The following SNTB1 variants were observed in gnomAD, a reference collection of about 807,000 sequenced individuals.
SNTB1 encodes syntrophin beta 1.
SNTB1 carries 36 observed loss-of-function variants against 48.9 expected under a neutral mutation model. The observed-to-expected ratio is 0.74, with a 90% CI of 0.56 to 0.97. SNTB1 has a LOEUF of 0.97. Ranked by LOEUF, SNTB1 falls within the 50% of genes least tolerant of loss-of-function variation. SNTB1 has a pLI of 0.00. For missense variants in SNTB1, 786 were observed against 703.4 expected, an observed-to-expected ratio of 1.12 and a Z score of -1.33; for synonymous variants, 299 against 294.6, an observed-to-expected ratio of 1.01 and a Z score of -0.15.
intron 1 of SNTB1, among the ~76,000 whole-genome samples, chr8:120,724,699 T>C (rs1311136260): frequency 6.6e-6 from 1 of 152,216 alleles, no homozygotes; most frequent in African/African-American, 2.4e-5. Context: ...ATGAGGCTTC[T>C]AAACAAAGAT....
At chr8:120,617,060 A>T (rs7814339) in intron 3 of SNTB1, among the ~76,000 whole-genome samples, 27,131 of 152,246 alleles carry the variant, frequency 0.18, 3,318 homozygotes, top group East Asian at 0.62. Flanking sequence ...GCTTTGAATG[A>T]GGCCCAACAC....
chr8:120,783,229 G>A (rs34632392), intron 1 of SNTB1, among the ~76,000 whole-genome samples: 10,280 of 152,024 alleles, frequency 0.068, 507 homozygotes, highest in African/African-American at 0.14. Context: ...CAGTTGGTTG[G>A]TTTTCACTAA....
At chr8:120,713,093 C>T (rs998106074) in intron 1 of SNTB1, among the ~76,000 whole-genome samples, 1 of 152,084 alleles carries the variant, frequency 6.6e-6, no homozygotes, top group African/African-American at 2.4e-5. Context: ...GTGGAAAAAC[C>T]TGAGCTAAAG....
At position 120,693,952 on chromosome 8, in the gene SNTB1, G is replaced by A. The variant is rs756420798; in HGVS notation, c.572-44C>T. ...CAAGTGCTTTTAATACATCACGGCTGAATTTCTGGGAAGTCTGATTGTGTT... is the reference window on the plus strand; with the variant it reads ...CAAGTGCTTTTAATACATCACGGCTAAATTTCTGGGAAGTCTGATTGTGTT... On this transcript the variant is annotated intron_variant, in intron 1 of 6. Transcript: ENST00000517992. The A allele has an allele frequency of 2.5e-5, 36 of 1,433,228 alleles. No homozygotes were observed. The Admixed American group carries it at 5.9e-4, about 23-fold the overall frequency. 88.8% of individuals were successfully genotyped at this position (1,433,228 alleles called of 1,614,324 possible). A position where few individuals can be genotyped will look rare whatever the true frequency, so the allele number is the denominator to read the frequency against.
intron 1 of SNTB1, among the ~76,000 whole-genome samples, chr8:120,731,506 G>A (rs955635989): frequency 7.9e-5 from 12 of 152,192 alleles, no homozygotes; most frequent in African/African-American, 2.9e-4. Context: ...TGGAAGGACT[G>A]GGCTTGAAGA....
At chr8:120,555,029 C>A (rs1396234108) in intron 4 of SNTB1, among the ~76,000 whole-genome samples, 1 of 152,182 alleles carries the variant, frequency 6.6e-6, no homozygotes, top group Non-Finnish European at 1.5e-5. Flanking sequence ...GTGATATACT[C>A]AACAAATATT....
intron 1 of SNTB1, among the ~76,000 whole-genome samples, chr8:120,780,383 G>A (rs1159666310): frequency 6.6e-6 from 1 of 152,122 alleles, no homozygotes; most frequent in Non-Finnish European, 1.5e-5. Context: ...CTCCACTTTG[G>A]TGAGTCATTC....
intron 2 of SNTB1, among the ~76,000 whole-genome samples, chr8:120,682,284 T>G (rs1018208314): frequency 2.6e-5 from 4 of 152,316 alleles, no homozygotes; most frequent in African/African-American, 9.6e-5. Flanking sequence ...AGTTTTAAAT[T>G]ATCTGTCTTA....
chr8:120,575,982 C>T (rs1032635527), intron 3 of SNTB1, among the ~76,000 whole-genome samples: 1 of 152,208 alleles, frequency 6.6e-6, no homozygotes, highest in Non-Finnish European at 1.5e-5. Context: ...ATATGTTCCT[C>T]TGTCTATAAA....
At chr8:120,628,085 C>A (rs931119297) in intron 3 of SNTB1, among the ~76,000 whole-genome samples, 2 of 152,202 alleles carry the variant, frequency 1.3e-5, no homozygotes, top group African/African-American at 4.8e-5. Context: ...AAAGCTGATA[C>A]CTGAACTTGC....
chr8:120,645,104 T>G (rs899601320), intron 2 of SNTB1, among the ~76,000 whole-genome samples: 11 of 150,110 alleles, frequency 7.3e-5, no homozygotes, highest in African/African-American at 1.2e-4. Context: ...TTTCTCCCAT[T>G]TTGTAGGTTG....
At chr8:120,786,315 A>G (rs1265505496) in intron 1 of SNTB1, among the ~76,000 whole-genome samples, 1 of 152,186 alleles carries the variant, frequency 6.6e-6, no homozygotes, top group East Asian at 1.9e-4. Flanking sequence ...GCACCCCTGC[A>G]CTTTCTACTT....
intron 2 of SNTB1, among the ~76,000 whole-genome samples, chr8:120,634,721 T>C (rs900215272): frequency 6.6e-6 from 1 of 152,224 alleles, no homozygotes; most frequent in Non-Finnish European, 1.5e-5. Flanking sequence ...CAATGCAACT[T>C]GGCCTTGTTA....
chr8:120,643,983 A>C (rs183665984), intron 2 of SNTB1, among the ~76,000 whole-genome samples: 5 of 152,310 alleles, frequency 3.3e-5, no homozygotes, highest in Middle Eastern at 3.4e-3. Flanking sequence ...CTAGGATACA[A>C]GGAAGAGTAC....
intron 1 of SNTB1, among the ~76,000 whole-genome samples, chr8:120,741,062 G>A (rs376296333): frequency 2.5e-4 from 38 of 152,124 alleles, no homozygotes; most frequent in African/African-American, 8.7e-4. Flanking sequence ...CTGTCCACAC[G>A]CTAATGTCAG....
intron 1 of SNTB1, among the ~76,000 whole-genome samples, chr8:120,732,675 T>C (rs1323918476): frequency 2.0e-5 from 3 of 152,126 alleles, no homozygotes; most frequent in Admixed American, 2.0e-4. Flanking sequence ...GGAAACCTCG[T>C]CTCTATTAAA....
chr8:120,668,930 T>C (rs1364064876), intron 2 of SNTB1, among the ~76,000 whole-genome samples: 2 of 152,208 alleles, frequency 1.3e-5, no homozygotes, highest in Non-Finnish European at 2.9e-5. Flanking sequence ...TAATAGAAAG[T>C]TGGCTCAACT....
intron 4 of SNTB1, chr8:120,571,325 G>C (rs1815838765): frequency 7.8e-7 from 1 of 1,287,856 alleles, no homozygotes; most frequent in African/African-American, 1.5e-5. Flanking sequence ...TCTGTTGCGG[G>C]AATGTCTCAG....
chr8:120,729,879 A>G (rs187817936), intron 1 of SNTB1, among the ~76,000 whole-genome samples: 56 of 152,350 alleles, frequency 3.7e-4, no homozygotes, highest in Non-Finnish European at 4.9e-4. Flanking sequence ...TTAAGGACAG[A>G]GTGTGAGTTA....
Sources: gnomAD v4.1 joint callset for allele counts (sites outside exome capture counted in the v4.1 genomes callset) on GRCh38, gnomAD v4.1.1 for gene constraint, MANE v1.5 for transcripts, NCBI Gene and HGNC (gene_info 2026-07-23, HGNC 2026-07-21) for gene names.